The following MSH3 variants were observed in gnomAD, a reference collection of about 807,000 sequenced individuals.
MSH3 encodes the protein DNA mismatch repair protein Msh3.
In MSH3, 106 loss-of-function variants were observed where a neutral mutation model predicts 123.3. The observed-to-expected ratio is 0.86, with a 90% CI of 0.73 to 1.01. The LOEUF is 1.01. Ranked by LOEUF, MSH3 falls within the 50% of genes least tolerant of loss-of-function variation. The pLI is 0.00. For synonymous variants in MSH3, 515 were observed against 481.4 expected (o/e 1.07, Z -0.91); for missense variants, 1,459 against 1,347.6 (o/e 1.08, Z -1.29).
At chr5:80,817,339 T>C (rs1205135007) in intron 20 of MSH3, among the ~76,000 whole-genome samples, 1 of 152,120 alleles carries the variant, frequency 6.6e-6, no homozygotes, top group East Asian at 1.9e-4. Context: ...GGAGCTGCTT[T>C]CGTGGAGTGG....
intron 21 of MSH3, among the ~76,000 whole-genome samples, chr5:80,863,714 T>TC (rs1178778437): frequency 1.3e-5 from 2 of 151,702 alleles, no homozygotes; most frequent in African/African-American, 4.8e-5. Flanking sequence ...GTGGGACAAC[T>TC]CCAAGCAGGG....
chr5:80,782,401 CTATT>C (rs1227676581), intron 17 of MSH3, among the ~76,000 whole-genome samples: 2 of 151,842 alleles, frequency 1.3e-5, no homozygotes, highest in Admixed American at 6.6e-5. Context: ...AGTATAACTG[CTATT>C]TATTTATAGC....
intron 20 of MSH3, among the ~76,000 whole-genome samples, chr5:80,829,578 G>T (rs1261604231): frequency 1.3e-5 from 2 of 152,156 alleles, no homozygotes; most frequent in Admixed American, 6.5e-5. Context: ...GCACACTTAG[G>T]ATGAGTCCTA....
rs375900763 is a variant in MSH3, at chr5:80,828,036, TACAATTGATGAACCTACATTGGC to T, written c.2813+14299_2813+14321del. Reference sequence around the variant, plus strand: ...TCCCCCACCAGAGTACTCCCTTTCTTACAATTGATGAACCTACATTGGCACATCATTACCACCCAAAGTCCATA... The same window carrying T: ...TCCCCCACCAGAGTACTCCCTTTCTTACATCATTACCACCCAAAGTCCATA... On this transcript the variant is annotated intron_variant, in intron 20 of 23. Transcript: ENST00000265081. Among the ~76,000 whole-genome samples, 8 of 152,264 alleles carry T rather than the reference TACAATTGATGAACCTACATTGGC, an allele frequency of 5.3e-5. 1 individual carries two copies. Among genetic ancestry groups the T allele is most frequent in the African/African-American group, 1.9e-4 (8 of 41,542 alleles).
At chr5:80,832,527 G>A (rs1252529914) in intron 20 of MSH3, among the ~76,000 whole-genome samples, 3 of 151,962 alleles carry the variant, frequency 2.0e-5, no homozygotes, top group Admixed American at 2.0e-4. Context: ...GCTGTGGCAG[G>A]AGAATCTCTT....
Position 80,665,305 on chromosome 5 carries a change from T to G in MSH3, c.521T>G (p.Leu174Arg), listed in dbSNP as rs755916911. 1 of 1,613,710 alleles carries G rather than the reference T, an allele frequency of 6.2e-7. No homozygotes were observed. Among genetic ancestry groups the G allele is most frequent in the South Asian group, 1.1e-5 (1 of 91,054 alleles). The change falls in exon 3 of 24, where the codon CTT (leucine) becomes CGT (arginine). Residue 174 changes from leucine (L) to arginine (R), a missense_variant. Transcript: ENST00000265081. ...PKCTDFDDISLLHAKNAVSSE... is the reference protein window; with the variant it reads ...PKCTDFDDISRLHAKNAVSSE... ...TGTACTGATTTTGATGATATCAGTC[T>G]TCTACACGCAAAGAATGCAGTTTCT...
At chr5:80,865,146 T>C (rs1746077901) in intron 22 of MSH3, among the ~76,000 whole-genome samples, 1 of 152,200 alleles carries the variant, frequency 6.6e-6, no homozygotes, top group African/African-American at 2.4e-5. Flanking sequence ...CCTTCTCTGG[T>C]CTTCCTTGTC....
At chr5:80,831,415 T>C (rs1745415206) in intron 20 of MSH3, among the ~76,000 whole-genome samples, 1 of 152,202 alleles carries the variant, frequency 6.6e-6, no homozygotes, top group Admixed American at 6.5e-5. Flanking sequence ...AGTGCACATA[T>C]GTAGTGGTAA....
chr5:80,876,043 T>A lies in MSH3; in HGVS notation c.*181T>A. 1 of 602,620 alleles carries A rather than the reference T, an allele frequency of 1.7e-6. No individual in the cohort carries two copies. The highest frequency in any genetic ancestry group is 2.0e-5 in the South Asian group (1 of 49,640). The allele number at this position is 602,620 out of a possible 1,614,324, so 37.3% of individuals were successfully genotyped here. On this transcript the variant is annotated 3_prime_UTR_variant, in exon 24 of 24. Transcript: ENST00000265081. ...AGTCTTTTTCAAGTTTCTGTCTTCC[T>A]AACTTTTCTACGTATAAACACTCTT...
chr5:80,668,409 C>T (rs1165851132), intron 3 of MSH3, among the ~76,000 whole-genome samples: 3 of 152,164 alleles, frequency 2.0e-5, no homozygotes, highest in Admixed American at 6.5e-5. Flanking sequence ...TCCATGGCAC[C>T]CAGGCTGTTT....
chr5:80,688,725 C>T (rs892151284), intron 8 of MSH3, among the ~76,000 whole-genome samples: 4 of 149,954 alleles, frequency 2.7e-5, no homozygotes, highest in African/African-American at 9.8e-5. Context: ...TTGAATTAAA[C>T]ATTAGTATAA....
chr5:80,872,997 G>T lies in MSH3; in HGVS notation c.3131-119G>T. 3 of 918,316 alleles carry T rather than the reference G, an allele frequency of 3.3e-6. No homozygotes were observed. In the Admixed American group the frequency reaches 5.7e-5, roughly 17 times the overall value. The allele number at this position is 918,316 out of a possible 1,614,324, so 56.9% of individuals were successfully genotyped here. A position where few individuals can be genotyped will look rare whatever the true frequency, so the allele number is the denominator to read the frequency against. ...ATAAATGGATCTAACAGGCAAGTAG[G>T]AACAGTGATTTCAGATTGTACGATT... On this transcript the variant is annotated intron_variant, in intron 22 of 23. Coordinates refer to ENST00000265081, the MANE Select transcript of MSH3 (RefSeq NM_002439.5).
rs574337805 is a variant in MSH3, at chr5:80,679,067, G to A, written c.1314G>A (p.Ala438=). ...CGGCCTTGTCCGAGCAAACAGAGGCGCTCATCCACAGAGCCACATCTGTTA... is the reference window on the plus strand; with the variant it reads ...CGGCCTTGTCCGAGCAAACAGAGGCACTCATCCACAGAGCCACATCTGTTA... ...LPSALSEQTE[A]LIHRATSVSV... is the part of the protein sequence containing the mutation. Residue 438 remains alanine (A), a synonymous_variant, in exon 8 of 24, where the codon GCG becomes GCA. Transcript: ENST00000265081. 2.5e-5 allele frequency: 41 copies of A among 1,613,984 alleles called. No individual in the cohort carries two copies. The highest frequency in any genetic ancestry group is 1.3e-4 in the African/African-American group (10 of 75,000).
intron 21 of MSH3, among the ~76,000 whole-genome samples, chr5:80,861,955 C>T (rs1398544050): frequency 6.6e-6 from 1 of 152,120 alleles, no homozygotes; most frequent in Admixed American, 6.6e-5. Context: ...AGGTAACCTC[C>T]AACCTTCTTA....
At chr5:80,873,813 C>G (rs1409979438) in intron 23 of MSH3, among the ~76,000 whole-genome samples, 3 of 152,162 alleles carry the variant, frequency 2.0e-5, no homozygotes, top group Middle Eastern at 6.3e-3. Flanking sequence ...GGAATACTTT[C>G]CACCTTTACG....
chr5:80,824,465 A>G (rs1037912556), intron 20 of MSH3, among the ~76,000 whole-genome samples: 1 of 152,116 alleles, frequency 6.6e-6, no homozygotes, highest in African/African-American at 2.4e-5. Context: ...CCTCCCAGAA[A>G]TCTTAAGTTG....
At chr5:80,787,716 G>A (rs1744534667) in intron 18 of MSH3, 44 bp downstream of exon 18, 1 of 1,250,888 alleles carries the variant, frequency 8.0e-7, no homozygotes, top group East Asian at 2.3e-5. Flanking sequence ...CTTTAGATAA[G>A]ATGACATTAT....
rs150530063 is a variant in MSH3 at position 80,834,143 on chromosome 5, C to T, written c.2814-19987C>T. Among the ~76,000 whole-genome samples the T allele has an allele frequency of 4.3e-3, 647 of 152,088 alleles. 4 individuals are homozygous for T. Among genetic ancestry groups the T allele is most frequent in the African/African-American group, 0.014 (600 of 41,468 alleles). ...ACTTCCATTGGTACTACATCCGTAC[C>T]ATCAGGTGCTATGGAAAAATAGAAT... On this transcript the variant is annotated intron_variant, in intron 20 of 23. Transcript: ENST00000265081.
At chr5:80,670,330 C>T (rs1430684607) in intron 4 of MSH3, 21 bp downstream of exon 4, 1 of 1,605,118 alleles carries the variant, frequency 6.2e-7, no homozygotes, top group Admixed American at 1.7e-5. Flanking sequence ...TTTTCAGGCA[C>T]TATTTTATAT....
Sources: allele counts gnomAD v4.1 joint callset (sites outside exome capture counted in the v4.1 genomes callset), GRCh38; gene constraint gnomAD v4.1.1; transcripts MANE v1.5; gene names NCBI Gene and HGNC (gene_info 2026-07-23, HGNC 2026-07-21).